The following SPECC1 variants were observed in gnomAD, a reference collection of about 807,000 sequenced individuals.
SPECC1 encodes cytospin-B.
A neutral mutation model predicts 104.1 loss-of-function variants in SPECC1; 62 were observed. The observed-to-expected ratio is 0.60, with a 90% confidence interval of 0.49 to 0.74. SPECC1 has a LOEUF of 0.74. Among genes scored for constraint, SPECC1 ranks in the 30% least tolerant of loss-of-function variants. The pLI, the probability that SPECC1 is intolerant of heterozygous loss-of-function variation, is 0.00. For synonymous variants in SPECC1, 513 were observed against 501.6 expected (o/e 1.02, Z -0.30); for missense variants, 1,306 against 1,310.5 (o/e 1.00, Z 0.05).
chr17:20,129,751 G>A (rs555556395), intron 3 of SPECC1, among the ~76,000 whole-genome samples: 36 of 149,518 alleles, frequency 2.4e-4, no homozygotes, highest in Non-Finnish European at 4.1e-4. Context: ...TTGTTGTTTT[G>A]TTTGTTTGTT....
intron 3 of SPECC1, among the ~76,000 whole-genome samples, chr17:20,130,138 A>C (rs950227864): frequency 6.6e-6 from 1 of 152,170 alleles, no homozygotes; most frequent in African/African-American, 2.4e-5. Context: ...TGTGTTATTC[A>C]TTTTTAGTTA....
At chr17:20,118,574 A>G (rs1475579793) in intron 3 of SPECC1, among the ~76,000 whole-genome samples, 2 of 152,188 alleles carry the variant, frequency 1.3e-5, no homozygotes, top group Non-Finnish European at 2.9e-5. Context: ...CATATGGTAT[A>G]ACCTTAATTT....
rs530332139 is a variant in SPECC1, at chr17:20,233,638, A to G, written c.2351+1233A>G. ...ATTCTTCTGCCTCAGCCTTCTGACTAACTAGGACTACACATGCGCCAGACA... is the reference window on the plus strand; with the variant it reads ...ATTCTTCTGCCTCAGCCTTCTGACTGACTAGGACTACACATGCGCCAGACA... On this transcript the variant is annotated intron_variant, in intron 7 of 14. Transcript: ENST00000395527. Among the ~76,000 whole-genome samples the G allele has an allele frequency of 1.1e-3, 161 of 152,298 alleles. 2 individuals carry two copies. The highest frequency in any genetic ancestry group is 3.7e-3 in the African/African-American group (155 of 41,558).
chr17:20,171,159 A>C (rs2034060048), intron 3 of SPECC1, among the ~76,000 whole-genome samples: 1 of 152,186 alleles, frequency 6.6e-6, no homozygotes, highest in Non-Finnish European at 1.5e-5. Context: ...ACATGGAATT[A>C]ATATACTTCC....
intron 4 of SPECC1, among the ~76,000 whole-genome samples, chr17:20,217,817 G>A (rs959366230): frequency 6.6e-6 from 1 of 152,178 alleles, no homozygotes; most frequent in African/African-American, 2.4e-5. Flanking sequence ...GGGAGGCCAA[G>A]ATGGGAGGAT....
chr17:20,246,827 C>T (rs1348184510), intron 8 of SPECC1, among the ~76,000 whole-genome samples: 2 of 152,218 alleles, frequency 1.3e-5, no homozygotes, highest in Non-Finnish European at 2.9e-5. Context: ...CTGGTTGTCT[C>T]TGCTAAAATT....
intron 12 of SPECC1, among the ~76,000 whole-genome samples, chr17:20,284,626 C>T (rs936718473): frequency 1.3e-5 from 2 of 152,248 alleles, no homozygotes; most frequent in South Asian, 2.1e-4. Context: ...ACCAGACCTT[C>T]AAAGTAAGTG....
chr17:20,270,271 T>TA (rs2040355711), intron 12 of SPECC1, among the ~76,000 whole-genome samples: 1 of 151,482 alleles, frequency 6.6e-6, no homozygotes, highest in African/African-American at 2.4e-5. Context: ...GTGAAAGTGA[T>TA]ACATTAATTT....
intron 3 of SPECC1, among the ~76,000 whole-genome samples, chr17:20,183,182 TCAC>T: frequency 6.6e-6 from 1 of 152,220 alleles, no homozygotes; most frequent in South Asian, 2.1e-4. Flanking sequence ...TCAAAAGAAA[TCAC>T]TTTTCGACCT....
intron 12 of SPECC1, among the ~76,000 whole-genome samples, chr17:20,296,675 T>A (rs1423437830): frequency 6.6e-6 from 1 of 152,228 alleles, no homozygotes; most frequent in African/African-American, 2.4e-5. Flanking sequence ...CTTCCATTTG[T>A]TTGTGTCCTC....
intron 13 of SPECC1, among the ~76,000 whole-genome samples, chr17:20,304,506 A>T (rs936630340): frequency 6.6e-6 from 1 of 152,202 alleles, no homozygotes; most frequent in Non-Finnish European, 1.5e-5. Flanking sequence ...GAAGCCACAC[A>T]CTAGGGCTGA....
chr17:20,288,647 A>T (rs2041043285), intron 12 of SPECC1, among the ~76,000 whole-genome samples: 1 of 152,182 alleles, frequency 6.6e-6, no homozygotes, highest in Admixed American at 6.5e-5. Flanking sequence ...ACGGTATATT[A>T]GTCCATTATC....
At chr17:20,018,265 G>T (rs1270826103) in intron 1 of SPECC1, among the ~76,000 whole-genome samples, 2 of 152,182 alleles carry the variant, frequency 1.3e-5, no homozygotes, top group African/African-American at 2.4e-5. Flanking sequence ...TTACTTTTCA[G>T]AAATTTCCTA....
At chr17:20,141,518 G>A (rs1420296903) in intron 3 of SPECC1, among the ~76,000 whole-genome samples, 1 of 152,092 alleles carries the variant, frequency 6.6e-6, no homozygotes, top group African/African-American at 2.4e-5. Context: ...AGGCTTATCT[G>A]CTTGTCTCCC....
chr17:20,055,108 G>C (rs2045912850), intron 1 of SPECC1, among the ~76,000 whole-genome samples: 1 of 152,066 alleles, frequency 6.6e-6, no homozygotes. Flanking sequence ...TGCAGCTCCA[G>C]GTAACCTCCA....
intron 1 of SPECC1, among the ~76,000 whole-genome samples, chr17:20,046,771 C>A (rs1465235378): frequency 6.6e-6 from 1 of 151,294 alleles, no homozygotes; most frequent in African/African-American, 2.4e-5. Flanking sequence ...AGCCAAGACT[C>A]AAGGAGTCGC....
chr17:20,066,177 C>T (rs1412319373), intron 1 of SPECC1, among the ~76,000 whole-genome samples: 1 of 152,150 alleles, frequency 6.6e-6, no homozygotes, highest in African/African-American at 2.4e-5. Context: ...CCCTTTCATC[C>T]TGAATCATTA....
rs764687709 is a variant in SPECC1, at chr17:20,225,665, C to T, written c.1864-1748C>T. The stretch of plus-strand genomic sequence containing the variant: ...GAGAGGGGATGTTGGAGAGTCAAGA[C>T]GGTCTTTCCTCCCCTCTCCGGTGCA... On this transcript the variant is annotated intron_variant, in intron 4 of 14. Coordinates refer to ENST00000395527, the MANE Select transcript of SPECC1 (RefSeq NM_001243439.2). Among the ~76,000 whole-genome samples, 6 of 152,150 alleles carry T rather than the reference C, an allele frequency of 3.9e-5. No individual in the cohort carries two copies. The East Asian group carries it at 7.7e-4, about 20-fold the overall frequency.
chr17:20,011,029 C>T (rs1020988987), intron 1 of SPECC1, among the ~76,000 whole-genome samples: 17 of 152,262 alleles, frequency 1.1e-4, no homozygotes, highest in Middle Eastern at 3.4e-3. Context: ...TTAAAATGCA[C>T]TTTTGGATTG....
Sources: allele counts gnomAD v4.1 joint callset (sites outside exome capture counted in the v4.1 genomes callset), GRCh38; gene constraint gnomAD v4.1.1; transcripts MANE v1.5; gene names NCBI Gene and HGNC (gene_info 2026-07-23, HGNC 2026-07-21).